Variants in DGKI observed in about 807,000 individuals in gnomAD.
The protein encoded by DGKI is diacylglycerol kinase iota.
DGKI carries 55 observed loss-of-function variants against 147.5 expected under a neutral mutation model. The observed-to-expected ratio is 0.37, with a 90% CI of 0.30 to 0.47. DGKI has a LOEUF of 0.47. Ranked by LOEUF, DGKI falls within the 20% of genes least tolerant of loss-of-function variation. The probability of loss-of-function intolerance (pLI) is 1.00; values close to 1 mark genes in which losing one functional copy is unlikely to be tolerated. For missense variants in DGKI, 1,007 were observed against 1,323.8 expected (o/e 0.76, Z 3.71); for synonymous variants, 469 against 477.1 (o/e 0.98, Z 0.22).
intron 1 of DGKI, among the ~76,000 whole-genome samples, chr7:137,751,853 C>T (rs968359225): frequency 6.6e-6 from 1 of 152,038 alleles, no homozygotes; most frequent in African/African-American, 2.4e-5. Context: ...CATTTTCTAA[C>T]CCTTGCAATC....
chr7:137,451,143 G>T (rs1813937765), intron 27 of DGKI, among the ~76,000 whole-genome samples: 1 of 152,028 alleles, frequency 6.6e-6, no homozygotes, highest in African/African-American at 2.4e-5. Context: ...AATAAAACAG[G>T]ACAAAACAGA....
At chr7:137,544,518 T>G (rs757654765) in intron 20 of DGKI, among the ~76,000 whole-genome samples, 40 of 152,150 alleles carry the variant, frequency 2.6e-4, no homozygotes, top group South Asian at 4.1e-4. Flanking sequence ...AAGTGCAAAA[T>G]AAAGGTTTTT....
intron 21 of DGKI, among the ~76,000 whole-genome samples, chr7:137,518,006 T>C (rs1420730887): frequency 6.6e-6 from 1 of 152,054 alleles, no homozygotes; most frequent in East Asian, 1.9e-4. Flanking sequence ...GTGTGTGCAG[T>C]TTGAAGTGAG....
intron 21 of DGKI, among the ~76,000 whole-genome samples, chr7:137,496,416 A>G (rs954230573): frequency 6.6e-6 from 1 of 152,172 alleles, no homozygotes; most frequent in Non-Finnish European, 1.5e-5. Flanking sequence ...TGCTGTTCCT[A>G]TCAAACTACC....
At chr7:137,393,168 C>G (rs545550729) in intron 32 of DGKI, among the ~76,000 whole-genome samples, 4 of 152,070 alleles carry the variant, frequency 2.6e-5, no homozygotes, top group African/African-American at 9.6e-5. Context: ...AGCATATCTT[C>G]CTACATTACT....
chr7:137,436,800 A>G (rs1813301325), intron 28 of DGKI, among the ~76,000 whole-genome samples: 1 of 152,228 alleles, frequency 6.6e-6, no homozygotes, highest in South Asian at 2.1e-4. Context: ...CGGTAAATAT[A>G]AGAACCAATC....
At chr7:137,500,935 T>A (rs1585175347) in intron 21 of DGKI, among the ~76,000 whole-genome samples, 1 of 152,154 alleles carries the variant, frequency 6.6e-6, no homozygotes, top group Admixed American at 6.6e-5. Flanking sequence ...TTAACTACTA[T>A]CACCTGTGCT....
Position 137,572,846 on chromosome 7 carries a change from A to G in DGKI, c.1762-8T>C, listed in dbSNP as rs1818838980. 6.2e-7 allele frequency: 1 copy of G among 1,602,914 alleles called. No individual in the cohort carries two copies. The highest frequency in any genetic ancestry group is 1.7e-5 in the Admixed American group (1 of 57,300). ...GAGATCTGTTCCATCACACTGAAAC[A>G]ATGAAAACAGAAAAGGGGTTTTGAA... On this transcript the variant is annotated splice_region_variant and splice_polypyrimidine_tract_variant and intron_variant, in intron 17 of 32. Coordinates refer to ENST00000614521, the MANE Select transcript of DGKI (RefSeq NM_001321708.2).
At chr7:137,815,874 G>A (rs968304777) in intron 1 of DGKI, among the ~76,000 whole-genome samples, 13 of 152,080 alleles carry the variant, frequency 8.5e-5, no homozygotes, top group Non-Finnish European at 2.9e-5. Context: ...TTCATTATGG[G>A]TACCCTTTTA....
At chr7:137,844,082 C>T (rs1798639878) in intron 1 of DGKI, among the ~76,000 whole-genome samples, 1 of 152,136 alleles carries the variant, frequency 6.6e-6, no homozygotes, top group Non-Finnish European at 1.5e-5. Context: ...ACCCTCAGCT[C>T]CTGACAAACC....
intron 1 of DGKI, among the ~76,000 whole-genome samples, chr7:137,839,923 C>T (rs1053663377): frequency 6.6e-6 from 1 of 152,186 alleles, no homozygotes; most frequent in African/African-American, 2.4e-5. Flanking sequence ...AAAGAAAATG[C>T]TGTTTGCTTT....
At chr7:137,419,444 C>T (rs962071216) in intron 28 of DGKI, among the ~76,000 whole-genome samples, 1 of 152,190 alleles carries the variant, frequency 6.6e-6, no homozygotes, top group Non-Finnish European at 1.5e-5. Context: ...ATAGCCTTTG[C>T]TGTATTTACC....
At chr7:137,406,153 G>A (rs1490133220) in intron 30 of DGKI, among the ~76,000 whole-genome samples, 2 of 149,682 alleles carry the variant, frequency 1.3e-5, no homozygotes, top group Non-Finnish European at 3.0e-5. Flanking sequence ...AAAGAGAGTA[G>A]ATTGGAAGTG....
At chr7:137,726,179 A>G (rs1794711990) in intron 1 of DGKI, among the ~76,000 whole-genome samples, 1 of 152,092 alleles carries the variant, frequency 6.6e-6, no homozygotes, top group African/African-American at 2.4e-5. Context: ...TTCAGTTGCT[A>G]GGGATCTTCC....
intron 6 of DGKI, among the ~76,000 whole-genome samples, chr7:137,625,696 G>A (rs1820911976): frequency 6.7e-6 from 1 of 148,828 alleles, no homozygotes; most frequent in Non-Finnish European, 1.5e-5. Context: ...CCTGGAGTTT[G>A]TGACCAGCCT....
At chr7:137,560,504 C>T (rs1818383893) in intron 19 of DGKI, among the ~76,000 whole-genome samples, 1 of 152,146 alleles carries the variant, frequency 6.6e-6, no homozygotes, top group Non-Finnish European at 1.5e-5. Flanking sequence ...GTGGGCAGAA[C>T]AGTGCTCACC....
At chr7:137,823,111 G>A (rs1420362717) in intron 1 of DGKI, among the ~76,000 whole-genome samples, 7 of 150,182 alleles carry the variant, frequency 4.7e-5, no homozygotes, top group African/African-American at 1.2e-4. Flanking sequence ...TTTTTAGAGC[G>A]AAGAGATCTA....
chr7:137,750,818 T>C (rs978448486), intron 1 of DGKI, among the ~76,000 whole-genome samples: 2 of 152,202 alleles, frequency 1.3e-5, no homozygotes, highest in African/African-American at 4.8e-5. Flanking sequence ...TGAAGATCTT[T>C]AAGGCAGTGC....
chr7:137,576,061 C>T (rs1187927758), intron 17 of DGKI, among the ~76,000 whole-genome samples: 5 of 100,542 alleles, frequency 5.0e-5, no homozygotes, highest in South Asian at 3.7e-4. Flanking sequence ...TTTTTTTAGA[C>T]GGAGTGTTGC....
Sources: allele counts gnomAD v4.1 joint callset (sites outside exome capture counted in the v4.1 genomes callset), GRCh38; gene constraint gnomAD v4.1.1; transcripts MANE v1.5; gene names NCBI Gene and HGNC (gene_info 2026-07-23, HGNC 2026-07-21).